The following MPDZ variants were observed in gnomAD, a reference collection of about 807,000 sequenced individuals.
MPDZ encodes the protein multiple PDZ domain protein.
Under a neutral mutation model 239.1 loss-of-function variants are expected in MPDZ, and 234 were observed. That is an observed-to-expected ratio of 0.98 (90% CI 0.88 to 1.09). The LOEUF is 1.09. Among genes scored for constraint, MPDZ ranks in the 50% least tolerant of loss-of-function variants. The pLI is 0.00. For synonymous variants in MPDZ, 1,048 were observed against 881.3 expected (o/e 1.19, Z -3.35); for missense variants, 3,175 against 2,510.0 (o/e 1.26, Z -5.66).
At chr9:13,248,177 G>A (rs1301372753) in intron 2 of MPDZ, among the ~76,000 whole-genome samples, 14 of 148,894 alleles carry the variant, frequency 9.4e-5, no homozygotes, top group East Asian at 8.0e-4. Flanking sequence ...GCAGTGAGCC[G>A]AGATTGGGCC....
intron 21 of MPDZ, among the ~76,000 whole-genome samples, chr9:13,175,213 A>G (rs1394490325): frequency 6.6e-6 from 1 of 152,110 alleles, no homozygotes; most frequent in African/African-American, 2.4e-5. Context: ...TTTTTGCCCA[A>G]TTCAGAGGGT....
chr9:13,229,227 C>T (rs1304894404), intron 3 of MPDZ, among the ~76,000 whole-genome samples: 1 of 151,806 alleles, frequency 6.6e-6, no homozygotes, highest in African/African-American at 2.4e-5. Flanking sequence ...TTAAAGGTAT[C>T]AAAAAGAAAC....
At chr9:13,181,470 T>G (rs890259185) in intron 19 of MPDZ, among the ~76,000 whole-genome samples, 8 of 152,252 alleles carry the variant, frequency 5.3e-5, no homozygotes, top group South Asian at 4.1e-4. Flanking sequence ...TGCAGAGATT[T>G]TACCACGATG....
chr9:13,213,455 A>T lies in MPDZ; in HGVS notation c.1290+3319T>A, dbSNP rs1957884103. 2.6e-5 allele frequency among the ~76,000 whole-genome samples: 4 copies of T among 152,140 alleles called. 1 individual carries two copies. The South Asian group carries it at 8.3e-4, about 31-fold the overall frequency. On this transcript the variant is annotated intron_variant, in intron 10 of 46. Transcript: ENST00000319217. Reference sequence around the variant, plus strand: ...TCCTAATAGCTGCTGTCAAAACAAAAATCGAACAAATAACAGACAAAGACT... The same window carrying T: ...TCCTAATAGCTGCTGTCAAAACAAATATCGAACAAATAACAGACAAAGACT...
In MPDZ at chr9:13,266,257, A is replaced by C. The variant is rs796763869; in HGVS notation, c.-58+13143T>G. Among the ~76,000 whole-genome samples, 44 of 152,344 alleles carry C rather than the reference A, an allele frequency of 2.9e-4. 1 individual carries two copies. Among genetic ancestry groups the C allele is most frequent in the African/African-American group, 1.1e-3 (44 of 41,586 alleles). On this transcript the variant is annotated intron_variant, in intron 1 of 46. Transcript: ENST00000319217. Reference sequence around the variant, plus strand: ...CTTCACTCAGGAAAGAGCAGGCTCAAATTTCTCATCGGAAGTCCTCTGGGA... The same window carrying C: ...CTTCACTCAGGAAAGAGCAGGCTCACATTTCTCATCGGAAGTCCTCTGGGA...
chr9:13,176,503 C>T, intron 19 of MPDZ, 86 bp from the exon 20 acceptor site: 2 of 1,067,408 alleles, frequency 1.9e-6, no homozygotes, highest in South Asian at 2.7e-5. Flanking sequence ...TAATGAACAA[C>T]TATTTAGTGA....
chr9:13,107,344 T>C (rs1010478289), intron 46 of MPDZ, among the ~76,000 whole-genome samples: 2 of 152,200 alleles, frequency 1.3e-5, no homozygotes, highest in African/African-American at 2.4e-5. Flanking sequence ...TAGCAGTCGA[T>C]AGATCAGTTG....
intron 24 of MPDZ, among the ~76,000 whole-genome samples, chr9:13,154,193 G>C (rs1949542551): frequency 6.6e-6 from 1 of 151,986 alleles, no homozygotes; most frequent in African/African-American, 2.4e-5. Context: ...GGTAATCAAA[G>C]ACAGAACTGC....
chr9:13,131,978 A>G (rs370793046), intron 32 of MPDZ, among the ~76,000 whole-genome samples: 1 of 152,270 alleles, frequency 6.6e-6, no homozygotes, highest in African/African-American at 2.4e-5. Flanking sequence ...GCTACTTTTA[A>G]AAGATTCTTG....
At position 13,222,415 on chromosome 9, in the gene MPDZ, GA is replaced by G; in HGVS notation, c.564del (p.Ala190LeufsTer29). 6.2e-7 allele frequency: 1 copy of G among 1,612,458 alleles called. No homozygotes were observed. Among genetic ancestry groups the G allele is most frequent in the South Asian group, 1.1e-5 (1 of 90,996 alleles). On this transcript the variant is annotated frameshift_variant, in exon 6 of 47. Coordinates refer to ENST00000319217, the MANE Select transcript of MPDZ (RefSeq NM_001378778.1). LOFTEE classifies it high-confidence loss of function. ...TCAAGAGCCTGTCCATTGATAGCAAGAATTTGATCAGTTTCTTTCAATCTTC... is the reference window on the plus strand; with the variant it reads ...TCAAGAGCCTGTCCATTGATAGCAAGATTTGATCAGTTTCTTTCAATCTTC... ...RDGRLKETDQ[I>X]LAINGQALDQ...
intron 42 of MPDZ, among the ~76,000 whole-genome samples, chr9:13,112,611 A>G (rs1427082205): frequency 9.9e-5 from 15 of 152,214 alleles, no homozygotes; most frequent in Admixed American, 7.9e-4. Context: ...TGAAGTGTCT[A>G]TAAGAGTGCT....
At chr9:13,190,331 G>C (rs770374645) in intron 15 of MPDZ, 32 bp from the exon 16 acceptor site, 114 of 1,472,640 alleles carry the variant, frequency 7.7e-5, no homozygotes, top group Non-Finnish European at 9.8e-5. Context: ...TTATTTCAGA[G>C]GCATTGCATT....
In MPDZ at chr9:13,247,625, G is replaced by T. The variant is rs764925139; in HGVS notation, c.183+10C>A. On this transcript the variant is annotated intron_variant, in intron 3 of 46. Coordinates refer to ENST00000319217, the MANE Select transcript of MPDZ (RefSeq NM_001378778.1). ...GTCGTGAATGCCTGCTTGGGTGAAT[G>T]ATGTCCTACCTGGTCTTTCAGCTGC... 2 of 1,602,472 alleles carry T rather than the reference G, an allele frequency of 1.2e-6. No homozygotes were observed. Among genetic ancestry groups the T allele is most frequent in the East Asian group, 4.5e-5 (2 of 44,588 alleles).
intron 22 of MPDZ, among the ~76,000 whole-genome samples, chr9:13,164,252 T>C (rs1003624539): frequency 3.3e-5 from 5 of 152,340 alleles, no homozygotes; most frequent in South Asian, 2.1e-4. Flanking sequence ...ATTCCAATTC[T>C]GGCCCTATTT....
In MPDZ at chr9:13,193,350, T is replaced by C. The variant is rs188345808; in HGVS notation, c.1657-37A>G. ...AAAAAAAAGATCACCACAATTTTTATATTCTTTTTATTTTTACTCATGCAC... is the reference window on the plus strand; with the variant it reads ...AAAAAAAAGATCACCACAATTTTTACATTCTTTTTATTTTTACTCATGCAC... On this transcript the variant is annotated intron_variant, in intron 13 of 46. Transcript: ENST00000319217. 21 of 1,560,806 alleles carry C rather than the reference T, an allele frequency of 1.3e-5. No homozygotes were observed. The African/African-American group carries it at 2.6e-4, about 19-fold the overall frequency.
At chr9:13,114,540 T>C (rs1943052182) in intron 40 of MPDZ, among the ~76,000 whole-genome samples, 2 of 152,232 alleles carry the variant, frequency 1.3e-5, no homozygotes, top group Admixed American at 6.5e-5. Flanking sequence ...GCTGAGTATC[T>C]ATAGTTCACT....
intron 28 of MPDZ, among the ~76,000 whole-genome samples, chr9:13,138,734 T>G (rs557587153): frequency 6.6e-6 from 1 of 152,256 alleles, no homozygotes; most frequent in African/African-American, 2.4e-5. Flanking sequence ...CCCCACATCT[T>G]CAAGAGGTGA....
rs759882412 is a variant in MPDZ, at chr9:13,138,118, C to T, written c.4039G>A (p.Glu1347Lys). The change falls in exon 29 of 47, where the codon GAG (glutamate) becomes AAG (lysine). Residue 1347 changes from glutamate (E) to lysine (K), a missense_variant. Coordinates refer to ENST00000319217, the MANE Select transcript of MPDZ (RefSeq NM_001378778.1). ...IRERYGTLTG[E>K]LHMIELEKGH... ...TTCTCCAGTTCAATCATATGCAGCT[C>T]GCCTGTTAGGGTTCCATAACGCTCT... 2.6e-5 allele frequency: 41 copies of T among 1,603,914 alleles called. No individual in the cohort carries two copies. The highest frequency in any genetic ancestry group is 7.9e-5 in the South Asian group (7 of 89,026).
At chr9:13,158,132 G>A (rs917764675) in intron 23 of MPDZ, 22 bp from the exon 24 acceptor site, 2 of 1,585,732 alleles carry the variant, frequency 1.3e-6, no homozygotes, top group Non-Finnish European at 1.7e-6. Flanking sequence ...ATTACACAAT[G>A]AGTACCCCAA....
Sources: allele counts gnomAD v4.1 joint callset (sites outside exome capture counted in the v4.1 genomes callset), GRCh38; gene constraint gnomAD v4.1.1; transcripts MANE v1.5; gene names NCBI Gene and HGNC (gene_info 2026-07-23, HGNC 2026-07-21).